Variants in KIAA0319 observed in about 807,000 individuals in gnomAD.
KIAA0319 encodes the protein dyslexia-associated protein KIAA0319.
A neutral mutation model predicts 108.4 loss-of-function variants in KIAA0319; 83 were observed. The observed-to-expected ratio is 0.77, with a 90% CI of 0.64 to 0.92. KIAA0319 has a LOEUF of 0.92. Among genes scored for constraint, KIAA0319 ranks in the 40% least tolerant of loss-of-function variants. The pLI is 0.00. For missense variants in KIAA0319, 1,195 were observed against 1,322.4 expected (o/e 0.90, Z 1.49); for synonymous variants, 484 against 510.4 (o/e 0.95, Z 0.70).
chr6:24,549,973 T>C (rs2127409337), intron 20 of KIAA0319, among the ~76,000 whole-genome samples: 1 of 152,248 alleles, frequency 6.6e-6, no homozygotes, highest in South Asian at 2.1e-4. Flanking sequence ...AGGATGAGTG[T>C]ATTTTAAGAC....
intron 3 of KIAA0319, among the ~76,000 whole-genome samples, chr6:24,590,881 C>G (rs1768364190): frequency 6.6e-6 from 1 of 152,208 alleles, no homozygotes; most frequent in African/African-American, 2.4e-5. Flanking sequence ...GACACAAGGT[C>G]CTCTCTGACA....
Position 24,592,151 on chromosome 6 carries a change from T to C in KIAA0319, c.802-3366A>G, listed in dbSNP as rs181712465. The stretch of plus-strand genomic sequence containing the variant: ...GCTGAGTTTTCTTCCATGTCTCTTA[T>C]AGTTTTAACTCATATATTGAGAACG... On this transcript the variant is annotated intron_variant, in intron 3 of 20. Coordinates refer to ENST00000378214, the MANE Select transcript of KIAA0319 (RefSeq NM_014809.4). 1.4e-4 allele frequency among the ~76,000 whole-genome samples: 22 copies of C among 152,336 alleles called. No individual in the cohort carries two copies. In the East Asian group the frequency reaches 2.7e-3, roughly 19 times the overall value.
chr6:24,574,305 T>C (rs905854641), intron 10 of KIAA0319, among the ~76,000 whole-genome samples: 1 of 151,694 alleles, frequency 6.6e-6, no homozygotes, highest in African/African-American at 2.4e-5. Context: ...GGTGTAGTGG[T>C]GTGTGCCTGT....
chr6:24,565,227 T>C (rs1238597809), intron 14 of KIAA0319, among the ~76,000 whole-genome samples: 1 of 151,106 alleles, frequency 6.6e-6, no homozygotes, highest in Non-Finnish European at 1.5e-5. Context: ...AACTCCAGTC[T>C]AGGTGACAGA....
Position 24,599,427 on chromosome 6 carries a change from A to T in KIAA0319, c.55+1622T>A, listed in dbSNP as rs1254971991. 3.6e-6 allele frequency: 2 copies of T among 552,136 alleles called. No homozygotes were observed. The highest frequency in any genetic ancestry group is 2.0e-5 in the Admixed American group (1 of 49,112). 34.2% of individuals were successfully genotyped at this position (552,136 alleles called of 1,614,324 possible). On this transcript the variant is annotated intron_variant, in intron 2 of 20. Coordinates refer to ENST00000378214, the MANE Select transcript of KIAA0319 (RefSeq NM_014809.4). The surrounding 1 kb of genome is among the most constrained non-coding windows in gnomAD (Gnocchi z 4.1). ...TGCCAAGCTGTCCAAGCTGGAGGCC[A>T]CCCTGCAGTGGGCCATGCAGGACAT...
rs1764252049 is a variant in KIAA0319 at position 24,568,768 on chromosome 6, C to G, written c.2140+13G>C. 6.2e-7 allele frequency: 1 copy of G among 1,612,962 alleles called. No individual in the cohort carries two copies. The highest frequency in any genetic ancestry group is 1.1e-5 in the South Asian group (1 of 90,994). Reference sequence around the variant, plus strand: ...AGAGCAGGCCCAGCCCTGTCCACCTCAGACCCACTCACCCTTCTTCACAGC... The same window carrying G: ...AGAGCAGGCCCAGCCCTGTCCACCTGAGACCCACTCACCCTTCTTCACAGC... On this transcript the variant is annotated intron_variant, in intron 13 of 20. Transcript: ENST00000378214.
chr6:24,556,691 G>T lies in KIAA0319; in HGVS notation c.2773C>A (p.Pro925Thr), dbSNP rs1289025237. ...GAGCAAATGCAGCGCTTTGTGAGGG[G>T]GTCGCAGTGACCATGGCCAGAACAC... ...LKCSGHGHCD[P>T]LTKRCICSHL... The change falls in exon 18 of 21, where the codon CCC becomes ACC. Residue 925 changes from proline (P) to threonine (T), a missense_variant. Transcript: ENST00000378214. The T allele has an allele frequency of 6.2e-7, 1 of 1,614,014 alleles. No individual in the cohort carries two copies. The highest frequency in any genetic ancestry group is 2.2e-5 in the East Asian group (1 of 44,882).
At chr6:24,620,588 A>T (rs1773797693) in intron 1 of KIAA0319, among the ~76,000 whole-genome samples, 3 of 152,238 alleles carry the variant, frequency 2.0e-5, no homozygotes, top group Admixed American at 2.0e-4. Flanking sequence ...GGCATAAGCC[A>T]CTGCTCCCGG....
At chr6:24,540,962 C>T (rs2127393371), downstream of KIAA0319, among the ~76,000 whole-genome samples, 2 of 152,204 alleles carry the variant, frequency 1.3e-5, no homozygotes, top group Middle Eastern at 6.8e-3. Flanking sequence ...TGTTTGTACA[C>T]CTCTACCTAA....
At chr6:24,592,116 A>G (rs144535863) in intron 3 of KIAA0319, among the ~76,000 whole-genome samples, 59 of 152,292 alleles carry the variant, frequency 3.9e-4, no homozygotes, top group Admixed American at 9.8e-4. Flanking sequence ...CTAAGTTTAC[A>G]AAGATTTATG....
At position 24,630,679 on chromosome 6, in the gene KIAA0319, ATGTG is replaced by A. The variant is rs200264866; in HGVS notation, c.-106+15053_-106+15056del. ...GTTCCATTTATTCAATTGTGTGTAT[ATGTG>A]TATATATATATATATATATACACAT... On this transcript the variant is annotated intron_variant, in intron 1 of 20. Transcript: ENST00000378214. Among the ~76,000 whole-genome samples the A allele has an allele frequency of 3.3e-5, 4 of 119,590 alleles. No individual in the cohort carries two copies. The East Asian group carries it at 1.2e-3, about 35-fold the overall frequency. The allele number at this position is 119,590 out of a possible 152,430, so 78.5% of individuals were successfully genotyped here. A position where few individuals can be genotyped will look rare whatever the true frequency, so the allele number is the denominator to read the frequency against.
intron 14 of KIAA0319, among the ~76,000 whole-genome samples, chr6:24,565,417 C>T (rs1763756588): frequency 6.6e-6 from 1 of 150,436 alleles, no homozygotes; most frequent in Non-Finnish European, 1.5e-5. Context: ...GGTAAAATGC[C>T]TGCCAGGAGC....
chr6:24,565,075 G>A (rs928777877), intron 14 of KIAA0319, among the ~76,000 whole-genome samples: 8 of 151,724 alleles, frequency 5.3e-5, no homozygotes, highest in Non-Finnish European at 1.2e-4. Flanking sequence ...GTGAAACCCC[G>A]TCTCTACTAA....
chr6:24,615,070 TA>T (rs2127559986), intron 1 of KIAA0319, among the ~76,000 whole-genome samples: 1 of 152,370 alleles, frequency 6.6e-6, no homozygotes, highest in South Asian at 2.1e-4. Flanking sequence ...AAGTGAACTG[TA>T]ATATACAGTA....
chr6:24,615,437 CAA>C (rs536822614), intron 1 of KIAA0319, among the ~76,000 whole-genome samples: 1 of 138,244 alleles, frequency 7.2e-6, no homozygotes, highest in African/African-American at 2.7e-5. Flanking sequence ...CTTGTATTTG[CAA>C]AAAAAAAAAT....
At chr6:24,552,101 A>C (rs999314417) in intron 19 of KIAA0319, among the ~76,000 whole-genome samples, 7 of 152,124 alleles carry the variant, frequency 4.6e-5, no homozygotes, top group African/African-American at 1.7e-4. Flanking sequence ...TACACATCCA[A>C]ACCATGCCAA....
chr6:24,543,945 A>G (rs1760317626), downstream of KIAA0319, among the ~76,000 whole-genome samples: 1 of 152,216 alleles, frequency 6.6e-6, no homozygotes, highest in Admixed American at 6.5e-5. Context: ...CCCACAGGGA[A>G]GGAGCAGGGG....
At chr6:24,633,879 T>G (rs936237466) in intron 1 of KIAA0319, among the ~76,000 whole-genome samples, 7 of 152,174 alleles carry the variant, frequency 4.6e-5, no homozygotes, top group African/African-American at 1.7e-4. Context: ...TAACAAATGC[T>G]GTCATGACAA....
intron 3 of KIAA0319, 41 bp downstream of exon 3, chr6:24,595,832 T>G (rs1466851460): frequency 1.3e-6 from 2 of 1,549,672 alleles, no homozygotes; most frequent in African/African-American, 2.7e-5. Flanking sequence ...TCTGCCCCAC[T>G]CAGCCCATCC....
Sources: allele counts gnomAD v4.1 joint callset (sites outside exome capture counted in the v4.1 genomes callset), GRCh38; gene constraint gnomAD v4.1.1; non-coding constraint Gnocchi (gnomAD v3.1); transcripts MANE v1.5; gene names NCBI Gene and HGNC (gene_info 2026-07-23, HGNC 2026-07-21).